The following AKAP6 variants were observed in gnomAD, a reference collection of about 807,000 sequenced individuals.
The protein encoded by AKAP6 is A-kinase anchor protein 6.
AKAP6 carries 58 observed loss-of-function variants against 188.5 expected under a neutral mutation model. That is an observed-to-expected ratio of 0.31 (90% confidence interval 0.25 to 0.38). The LOEUF (loss-of-function observed/expected upper bound fraction) is 0.38, where lower values mean the gene tolerates loss of function less well. Among genes scored for constraint, AKAP6 ranks in the 10% least tolerant of loss-of-function variants. AKAP6 has a pLI of 1.00. For missense variants in AKAP6, 2,710 were observed against 2,740.0 expected, an observed-to-expected ratio of 0.99 and a Z score of 0.24; for synonymous variants, 989 against 998.6, an observed-to-expected ratio of 0.99 and a Z score of 0.18.
intron 11 of AKAP6, among the ~76,000 whole-genome samples, chr14:32,759,675 C>T (rs2383376): frequency 0.28 from 43,256 of 152,012 alleles, 8,860 homozygotes; most frequent in African/African-American, 0.59. Flanking sequence ...CAGGAAGTTA[C>T]AATCATAGTG....
chr14:32,823,547 G>A lies in AKAP6; in HGVS notation c.5734G>A (p.Val1912Met). Reference protein sequence around the residue: ...IPERQKGKPNVTSKVSENLGS... With the variant: ...IPERQKGKPNMTSKVSENLGS... ...AGAAAGGCAAAAGGGAAAACCGAATGTGACTTCAAAGGTATCAGAAAATCT... is the reference window on the plus strand; with the variant it reads ...AGAAAGGCAAAAGGGAAAACCGAATATGACTTCAAAGGTATCAGAAAATCT... Residue 1912 changes from valine (V) to methionine (M), a missense_variant, in exon 13 of 14, where the codon GTG (valine) becomes ATG (methionine). By Grantham distance (21) the Val-to-Met change is conservative. Coordinates refer to ENST00000280979, the MANE Select transcript of AKAP6 (RefSeq NM_004274.5). 6.2e-7 allele frequency: 1 copy of A among 1,613,892 alleles called. No homozygotes were observed. Among genetic ancestry groups the A allele is most frequent in the Non-Finnish European group, 8.5e-7 (1 of 1,179,896 alleles).
intron 1 of AKAP6, among the ~76,000 whole-genome samples, chr14:32,381,315 G>T (rs1297550590): frequency 6.6e-6 from 1 of 152,002 alleles, no homozygotes; most frequent in African/African-American, 2.4e-5. Flanking sequence ...ACTCCAGCCT[G>T]GGTGACAGAG....
At chr14:32,642,628 C>T (rs569278092) in intron 7 of AKAP6, among the ~76,000 whole-genome samples, 48 of 152,002 alleles carry the variant, frequency 3.2e-4, no homozygotes, top group Non-Finnish European at 4.9e-4. Flanking sequence ...GTTCATTCAC[C>T]GCAGAAAGGA....
chr14:32,660,739 A>G (rs1888651801), intron 7 of AKAP6, among the ~76,000 whole-genome samples: 1 of 152,076 alleles, frequency 6.6e-6, no homozygotes, highest in Admixed American at 6.6e-5. Context: ...GAGTATATGG[A>G]AAGGTTAGAT....
intron 7 of AKAP6, among the ~76,000 whole-genome samples, chr14:32,677,007 G>A (rs1889455733): frequency 6.6e-6 from 1 of 152,024 alleles, no homozygotes; most frequent in Non-Finnish European, 1.5e-5. Context: ...TGTATTTTTA[G>A]TAGAGACGGG....
chr14:32,719,387 T>C lies in AKAP6; in HGVS notation c.3001-13067T>C, dbSNP rs572394828. Among the ~76,000 whole-genome samples, 41 of 152,316 alleles carry C rather than the reference T, an allele frequency of 2.7e-4. 1 individual carries two copies. The Middle Eastern group carries it at 0.014, about 51-fold the overall frequency. ...TTTTTGATGATGACAGTAAGGGCGA[T>C]AATACATTCAGCCTTTATTTAGGCA... is the stretch of plus-strand genomic sequence containing the variant. On this transcript the variant is annotated intron_variant, in intron 9 of 13. Transcript: ENST00000280979.
chr14:32,351,431 A>G (rs1887263226), intron 1 of AKAP6, among the ~76,000 whole-genome samples: 1 of 152,048 alleles, frequency 6.6e-6, no homozygotes, highest in Non-Finnish European at 1.5e-5. Flanking sequence ...GTGTGGTGGC[A>G]CACACCTGTA....
chr14:32,416,711 T>G (rs2138665264), intron 1 of AKAP6, among the ~76,000 whole-genome samples: 1 of 152,070 alleles, frequency 6.6e-6, no homozygotes, highest in Non-Finnish European at 1.5e-5. Flanking sequence ...CCCACCACCA[T>G]GCCTGGCTAA....
intron 13 of AKAP6, among the ~76,000 whole-genome samples, chr14:32,828,206 T>A (rs975517374): frequency 1.3e-5 from 2 of 152,160 alleles, no homozygotes; most frequent in Non-Finnish European, 2.9e-5. Context: ...CTGAGAAAGC[T>A]GTAAGAGCAA....
chr14:32,786,634 T>A (rs2033431574), intron 12 of AKAP6, among the ~76,000 whole-genome samples: 1 of 152,034 alleles, frequency 6.6e-6, no homozygotes, highest in Non-Finnish European at 1.5e-5. Flanking sequence ...TAAACCTTTA[T>A]CTTAAAAGCA....
intron 2 of AKAP6, among the ~76,000 whole-genome samples, chr14:32,491,283 C>G (rs1879999128): frequency 6.6e-6 from 1 of 152,188 alleles, no homozygotes; most frequent in Non-Finnish European, 1.5e-5. Flanking sequence ...TTTTATCTCC[C>G]AATGTTTATA....
chr14:32,650,583 C>T (rs1888176563), intron 7 of AKAP6, among the ~76,000 whole-genome samples: 2 of 151,858 alleles, frequency 1.3e-5, no homozygotes, highest in African/African-American at 2.4e-5. Flanking sequence ...TGTACTCCAG[C>T]GTGGGCAACA....
intron 7 of AKAP6, among the ~76,000 whole-genome samples, chr14:32,675,433 A>AT (rs887134498): frequency 4.6e-5 from 7 of 152,198 alleles, no homozygotes; most frequent in Middle Eastern, 3.4e-3. Flanking sequence ...GATGCTAATA[A>AT]TTTTTTTTAA....
chr14:32,819,295 TG>T (rs2034461886), intron 12 of AKAP6, among the ~76,000 whole-genome samples: 1 of 152,180 alleles, frequency 6.6e-6, no homozygotes, highest in South Asian at 2.1e-4. Context: ...AAAGTGCTAA[TG>T]GGTATTTTAT....
At chr14:32,521,222 C>G (rs574367532) in intron 2 of AKAP6, among the ~76,000 whole-genome samples, 42 of 152,220 alleles carry the variant, frequency 2.8e-4, no homozygotes, top group Middle Eastern at 3.4e-3. Context: ...AAACTCACAG[C>G]CAATATCATA....
chr14:32,336,744 G>T (rs1281621275), intron 1 of AKAP6, among the ~76,000 whole-genome samples: 1 of 152,070 alleles, frequency 6.6e-6, no homozygotes, highest in African/African-American at 2.4e-5. Flanking sequence ...CAAAATTCTT[G>T]TTTCTCAGCC....
intron 12 of AKAP6, among the ~76,000 whole-genome samples, chr14:32,783,660 A>G (rs72669843): frequency 1.3e-5 from 2 of 152,276 alleles, no homozygotes; most frequent in African/African-American, 2.4e-5. Context: ...CACTTGATAT[A>G]TATCAGGCAA....
intron 1 of AKAP6, among the ~76,000 whole-genome samples, chr14:32,363,999 C>T (rs1276529710): frequency 6.6e-6 from 1 of 152,130 alleles, no homozygotes; most frequent in East Asian, 1.9e-4. Context: ...GCTGGTTTCC[C>T]CCAGTAGACT....
At chr14:32,581,661 T>C (rs1566587444) in intron 5 of AKAP6, among the ~76,000 whole-genome samples, 1 of 152,184 alleles carries the variant, frequency 6.6e-6, no homozygotes, top group Non-Finnish European at 1.5e-5. Context: ...GGACTTGCTT[T>C]ATGAATCTGG....
Sources: gnomAD v4.1 joint callset for allele counts (sites outside exome capture counted in the v4.1 genomes callset) on GRCh38, gnomAD v4.1.1 for gene constraint, MANE v1.5 for transcripts, NCBI Gene and HGNC (gene_info 2026-07-23, HGNC 2026-07-21) for gene names.